GALNT13: variants seen among roughly 807,000 people sequenced by gnomAD.
GALNT13 encodes polypeptide N-acetylgalactosaminyltransferase 13.
Under a neutral mutation model 64.2 loss-of-function variants are expected in GALNT13, and 28 were observed. The ratio of observed to expected loss-of-function variants is 0.44; its 90% CI spans 0.32 to 0.60. The LOEUF is 0.60. Ranked by LOEUF, GALNT13 falls within the 20% of genes least tolerant of loss-of-function variation. The probability of loss-of-function intolerance (pLI) is 0.05; values close to 1 mark genes in which losing one functional copy is unlikely to be tolerated. For synonymous variants in GALNT13, 214 were observed against 224.6 expected, an observed-to-expected ratio of 0.95 and a Z score of 0.42; for missense variants, 577 against 669.8, an observed-to-expected ratio of 0.86 and a Z score of 1.53.
chr2:153,932,820 G>A (rs1022905187), intron 2 of GALNT13, among the ~76,000 whole-genome samples: 2 of 151,842 alleles, frequency 1.3e-5, no homozygotes, highest in African/African-American at 4.8e-5. Flanking sequence ...TAGAGATGGG[G>A]TTTCACTATA....
chr2:154,216,299 AC>A (rs1416468102), intron 4 of GALNT13, among the ~76,000 whole-genome samples: 1 of 152,108 alleles, frequency 6.6e-6, no homozygotes, highest in Non-Finnish European at 1.5e-5. Context: ...GTCCTTACAA[AC>A]TAAAAGCCTA....
At chr2:153,837,356 T>C in the GALNT13 span, among the ~76,000 whole-genome samples, 1 of 152,166 alleles carries the variant, frequency 6.6e-6, no homozygotes, top group East Asian at 1.9e-4. Context: ...GATGGGGTTG[T>C]TTGTTTTTTT....
At chr2:154,440,972 G>T (rs1701262716) in intron 12 of GALNT13, among the ~76,000 whole-genome samples, 1 of 152,026 alleles carries the variant, frequency 6.6e-6, no homozygotes, top group Non-Finnish European at 1.5e-5. Context: ...TCACAGAATG[G>T]TTCCACCCCT....
intron 7 of GALNT13, among the ~76,000 whole-genome samples, chr2:154,250,435 A>G (rs557999733): frequency 4.0e-5 from 6 of 151,564 alleles, no homozygotes; most frequent in Admixed American, 6.6e-5. Flanking sequence ...ATGTTTCTCT[A>G]TTTTTTTTGT....
the GALNT13 span, among the ~76,000 whole-genome samples, chr2:153,318,179 C>T: frequency 6.7e-6 from 1 of 149,514 alleles, no homozygotes; most frequent in African/African-American, 2.5e-5. Context: ...CATTCATCTC[C>T]CATTCTGCAT....
chr2:154,017,478 A>C (rs1697086853), intron 3 of GALNT13, among the ~76,000 whole-genome samples: 1 of 152,134 alleles, frequency 6.6e-6, no homozygotes, highest in South Asian at 2.1e-4. Flanking sequence ...ATTACACGAT[A>C]AGTACACCAC....
chr2:154,388,895 A>C (rs1036893638), intron 9 of GALNT13, among the ~76,000 whole-genome samples: 1 of 152,196 alleles, frequency 6.6e-6, no homozygotes, highest in Non-Finnish European at 1.5e-5. Context: ...TGACATACAT[A>C]ACAAACTTTA....
At chr2:153,493,106 C>G in the GALNT13 span, among the ~76,000 whole-genome samples, 1 of 151,506 alleles carries the variant, frequency 6.6e-6, no homozygotes, top group Non-Finnish European at 1.5e-5. Flanking sequence ...TAAGGTACCA[C>G]CAGAAGAAGC....
intron 3 of GALNT13, among the ~76,000 whole-genome samples, chr2:153,952,341 C>G (rs979598785): frequency 1.7e-4 from 26 of 152,204 alleles, no homozygotes; most frequent in African/African-American, 6.3e-4. Flanking sequence ...CTCTGGGCCT[C>G]AGTTGTAATA....
At chr2:153,302,458 G>T in the GALNT13 span, among the ~76,000 whole-genome samples, 5 of 151,642 alleles carry the variant, frequency 3.3e-5, no homozygotes, top group African/African-American at 4.8e-5. Context: ...ATATATTTTG[G>T]ATATTAACCC....
the GALNT13 span, among the ~76,000 whole-genome samples, chr2:153,587,141 CA>C: frequency 5.9e-4 from 88 of 148,398 alleles, no homozygotes; most frequent in African/African-American, 2.1e-3. Context: ...GGCCTAGACA[CA>C]AGAGTCGCAT....
rs747089766 is a variant in GALNT13, at chr2:154,258,973, A to T, written c.858-48A>T. ...GTGCTACAGTCTCATTAAACTCCAT[A>T]CATTGTTTTCAAAAGATATTCTTTT... On this transcript the variant is annotated intron_variant, in intron 7 of 12. Transcript: ENST00000392825. 3.2e-5 allele frequency: 31 copies of T among 975,262 alleles called. No individual in the cohort carries two copies. In the Admixed American group the frequency reaches 5.2e-4, roughly 16 times the overall value. 60.4% of individuals were successfully genotyped at this position (975,262 alleles called of 1,614,324 possible).
the GALNT13 span, among the ~76,000 whole-genome samples, chr2:153,844,910 T>A: frequency 6.6e-6 from 1 of 152,194 alleles, no homozygotes; most frequent in East Asian, 1.9e-4. Flanking sequence ...AGGCATAACA[T>A]ATGTGACATT....
chr2:154,378,788 A>C (rs145755414), intron 9 of GALNT13, among the ~76,000 whole-genome samples: 1 of 152,164 alleles, frequency 6.6e-6, no homozygotes, highest in East Asian at 1.9e-4. Context: ...AAAACATCAA[A>C]TCGTACCCCA....
At chr2:153,124,718 G>C in the GALNT13 span, among the ~76,000 whole-genome samples, 1 of 151,958 alleles carries the variant, frequency 6.6e-6, no homozygotes, top group African/African-American at 2.4e-5. Flanking sequence ...TTGGCCAGAT[G>C]GTCTCAATCT....
At chr2:154,186,471 G>A (rs1362991999) in intron 4 of GALNT13, among the ~76,000 whole-genome samples, 1 of 152,064 alleles carries the variant, frequency 6.6e-6, no homozygotes, top group Non-Finnish European at 1.5e-5. Flanking sequence ...TTACTGGGAG[G>A]TGAAGAATTT....
the GALNT13 span, among the ~76,000 whole-genome samples, chr2:153,278,076 G>A: frequency 6.6e-5 from 10 of 150,860 alleles, no homozygotes; most frequent in African/African-American, 9.8e-5. Flanking sequence ...ACAGGCGCCC[G>A]CCACCACTCC....
chr2:153,655,889 T>C, the GALNT13 span, among the ~76,000 whole-genome samples: 1 of 152,030 alleles, frequency 6.6e-6, no homozygotes, highest in Non-Finnish European at 1.5e-5. Context: ...ACAAAGTGAG[T>C]AAATTTACAG....
the GALNT13 span, among the ~76,000 whole-genome samples, chr2:153,362,555 A>AG: frequency 1.3e-4 from 9 of 71,496 alleles, no homozygotes; most frequent in African/African-American, 4.1e-4. Flanking sequence ...ATGGAGAGCA[A>AG]AAAAAAAAAA....
Sources: allele counts gnomAD v4.1 joint callset (sites outside exome capture counted in the v4.1 genomes callset), GRCh38; gene constraint gnomAD v4.1.1; transcripts MANE v1.5; gene names NCBI Gene and HGNC (gene_info 2026-07-23, HGNC 2026-07-21).